Variants in LARS2 observed in about 807,000 individuals in gnomAD.
LARS2 encodes leucine--tRNA ligase, mitochondrial.
A neutral mutation model predicts 116.6 loss-of-function variants in LARS2; 81 were observed. That is an observed-to-expected ratio of 0.69 (90% CI 0.58 to 0.84). The LOEUF (loss-of-function observed/expected upper bound fraction) is 0.84, where lower values mean the gene tolerates loss of function less well. LARS2 is among the 40% of genes least tolerant of loss of function. The pLI, the probability that LARS2 is intolerant of heterozygous loss-of-function variation, is 0.00. For missense variants in LARS2, 968 were observed against 1,114.5 expected, an observed-to-expected ratio of 0.87 and a Z score of 1.87; for synonymous variants, 396 against 407.2, an observed-to-expected ratio of 0.97 and a Z score of 0.33.
chr3:45,467,361 A>G (rs908690765), intron 8 of LARS2, among the ~76,000 whole-genome samples: 3 of 152,172 alleles, frequency 2.0e-5, no homozygotes, highest in South Asian at 2.1e-4. Context: ...TTCTCTGTGT[A>G]TTTGCTTACT....
At chr3:45,431,630 C>G (rs1444887090) in intron 6 of LARS2, among the ~76,000 whole-genome samples, 3 of 149,118 alleles carry the variant, frequency 2.0e-5, no homozygotes, top group African/African-American at 7.4e-5. Flanking sequence ...TAAATATAAT[C>G]CCCATGGTAA....
intron 6 of LARS2, among the ~76,000 whole-genome samples, chr3:45,436,324 A>G (rs911336961): frequency 1.3e-5 from 2 of 151,882 alleles, no homozygotes; most frequent in African/African-American, 4.8e-5. Context: ...GATGTTGTAG[A>G]TTAAATTAAT....
chr3:45,511,717 C>A (rs948457461), intron 15 of LARS2, among the ~76,000 whole-genome samples: 1 of 151,748 alleles, frequency 6.6e-6, no homozygotes, highest in African/African-American at 2.4e-5. Flanking sequence ...AATACAAGAC[C>A]TAAGAATAGG....
Position 45,513,082 on chromosome 3 carries a change from C to T in LARS2, c.1761-53C>T. The T allele has an allele frequency of 2.4e-6, 3 of 1,234,914 alleles. No homozygotes were observed. In the South Asian group the frequency reaches 3.6e-5, roughly 15 times the overall value. The allele number at this position is 1,234,914 out of a possible 1,614,324, so 76.5% of individuals were successfully genotyped here. On this transcript the variant is annotated intron_variant, in intron 15 of 21. Transcript: ENST00000645846. ...GGGAAGGTCTGCGTTGCTGTTTTCT[C>T]AATGCCTCATGTCCCACTCCTCCTG...
intron 4 of LARS2, among the ~76,000 whole-genome samples, chr3:45,410,475 G>A (rs964064617): frequency 1.3e-5 from 2 of 152,040 alleles, no homozygotes; most frequent in Non-Finnish European, 2.9e-5. Flanking sequence ...TGTCTACCAC[G>A]GACTAAAAAC....
At chr3:45,486,207 G>A (rs766844465) in intron 11 of LARS2, among the ~76,000 whole-genome samples, 7 of 152,136 alleles carry the variant, frequency 4.6e-5, no homozygotes, top group Non-Finnish European at 7.4e-5. Flanking sequence ...CTGCTGGGAC[G>A]GGGGTTCAAA....
intron 4 of LARS2, among the ~76,000 whole-genome samples, chr3:45,417,125 C>T (rs1698436738): frequency 6.7e-6 from 1 of 149,564 alleles, no homozygotes; most frequent in South Asian, 2.1e-4. Context: ...ATTTGGAAAG[C>T]CTATACATTA....
chr3:45,472,020 G>T lies in LARS2; in HGVS notation c.751-2223G>T, dbSNP rs190318246. On this transcript the variant is annotated intron_variant, in intron 8 of 21. Transcript: ENST00000645846. The stretch of plus-strand genomic sequence containing the variant: ...CCATTGATGTTAGTTAGGCAACTTG[G>T]TTGCAAACAACATAAAGTTACTCTG... Among the ~76,000 whole-genome samples the T allele has an allele frequency of 6.6e-5, 10 of 152,254 alleles. No homozygotes were observed. In the East Asian group the frequency reaches 1.7e-3, roughly 26 times the overall value.
At chr3:45,496,068 C>G (rs1184608985) in intron 13 of LARS2, among the ~76,000 whole-genome samples, 1 of 152,140 alleles carries the variant, frequency 6.6e-6, no homozygotes, top group Non-Finnish European at 1.5e-5. Context: ...ACCATGTTGG[C>G]CAGTATGGTC....
chr3:45,432,587 G>A (rs1056787189), intron 6 of LARS2, among the ~76,000 whole-genome samples: 1 of 151,782 alleles, frequency 6.6e-6, no homozygotes, highest in Non-Finnish European at 1.5e-5. Context: ...AATACCTAGA[G>A]ATGAATGAAA....
chr3:45,442,371 T>C (rs916393417), intron 6 of LARS2, among the ~76,000 whole-genome samples: 1 of 152,212 alleles, frequency 6.6e-6, no homozygotes, highest in African/African-American at 2.4e-5. Context: ...TTTAAACGTT[T>C]AGTTGTTCAA....
At chr3:45,405,027 C>G (rs1187931368) in intron 4 of LARS2, among the ~76,000 whole-genome samples, 1 of 152,132 alleles carries the variant, frequency 6.6e-6, no homozygotes. Context: ...ATATGTCATC[C>G]ACATGTTGTT....
At chr3:45,530,189 G>C (rs1019869078) in intron 20 of LARS2, among the ~76,000 whole-genome samples, 2 of 152,102 alleles carry the variant, frequency 1.3e-5, no homozygotes, top group African/African-American at 4.8e-5. Context: ...TTGTTTGTTT[G>C]CTTGTTTGTT....
intron 3 of LARS2, among the ~76,000 whole-genome samples, chr3:45,398,119 T>C (rs1227368459): frequency 2.0e-5 from 3 of 152,266 alleles, no homozygotes; most frequent in Non-Finnish European, 2.9e-5. Flanking sequence ...TGTTCTCTTT[T>C]TCCCATCTCT....
intron 16 of LARS2, among the ~76,000 whole-genome samples, chr3:45,515,481 A>C (rs1246466253): frequency 1.3e-5 from 2 of 152,142 alleles, no homozygotes; most frequent in African/African-American, 2.4e-5. Flanking sequence ...CAACAAGGTC[A>C]CCTCATCCAA....
chr3:45,483,139 A>T (rs985594500), intron 10 of LARS2, among the ~76,000 whole-genome samples: 5 of 152,210 alleles, frequency 3.3e-5, no homozygotes, highest in African/African-American at 9.7e-5. Context: ...TACAGGGGTC[A>T]ACTGGTAGTC....
At chr3:45,511,766 T>G (rs1700294404) in intron 15 of LARS2, among the ~76,000 whole-genome samples, 1 of 145,598 alleles carries the variant, frequency 6.9e-6, no homozygotes, top group South Asian at 2.2e-4. Flanking sequence ...GGCTTAATGC[T>G]GCTGATTTTT....
chr3:45,400,025 A>G (rs1036447378), intron 3 of LARS2, among the ~76,000 whole-genome samples: 1 of 152,176 alleles, frequency 6.6e-6, no homozygotes, highest in Non-Finnish European at 1.5e-5. Flanking sequence ...CTTAACACTT[A>G]GAGGTTGTTT....
At chr3:45,464,776 G>T (rs558320544) in intron 8 of LARS2, among the ~76,000 whole-genome samples, 108 of 152,316 alleles carry the variant, frequency 7.1e-4, no homozygotes, top group African/African-American at 2.3e-3. Flanking sequence ...GAACTGAGAG[G>T]AGCAAGTGAG....
Sources: gnomAD v4.1 joint callset for allele counts (sites outside exome capture counted in the v4.1 genomes callset) on GRCh38, gnomAD v4.1.1 for gene constraint, MANE v1.5 for transcripts, NCBI Gene and HGNC (gene_info 2026-07-23, HGNC 2026-07-21) for gene names.